RPS6KA2: variants seen among roughly 807,000 people sequenced by gnomAD.
RPS6KA2 encodes ribosomal protein S6 kinase alpha-2.
RPS6KA2 carries 42 observed loss-of-function variants against 91.8 expected under a neutral mutation model. The ratio of observed to expected loss-of-function variants is 0.46; its 90% CI spans 0.36 to 0.59. The LOEUF (loss-of-function observed/expected upper bound fraction) is 0.59, where lower values mean the gene tolerates loss of function less well. Ranked by LOEUF, RPS6KA2 falls within the 20% of genes least tolerant of loss-of-function variation. The pLI, the probability that RPS6KA2 is intolerant of heterozygous loss-of-function variation, is 0.00. For synonymous variants in RPS6KA2, 414 were observed against 393.6 expected (o/e 1.05, Z -0.61); for missense variants, 798 against 978.5 (o/e 0.82, Z 2.46).
chr6:166,775,986 G>A lies in RPS6KA2; in HGVS notation c.123+82214C>T, dbSNP rs564125620. 5.9e-5 allele frequency among the ~76,000 whole-genome samples: 9 copies of A among 152,344 alleles called. No individual in the cohort carries two copies. The South Asian group carries it at 1.9e-3, about 32-fold the overall frequency. On this transcript the variant is annotated intron_variant, in intron 2 of 21. Transcript: ENST00000503859. The stretch of plus-strand genomic sequence containing the variant: ...CTGGAAGTGAGGGCGGGCATTGCTG[G>A]CTTTATCTGATCACTGGGAAGGGTG...
At chr6:166,524,993 A>G (rs1017069636) in intron 3 of RPS6KA2, among the ~76,000 whole-genome samples, 8 of 152,166 alleles carry the variant, frequency 5.3e-5, no homozygotes, top group East Asian at 1.9e-4. Context: ...AGTCTCCCAG[A>G]GGGGTCCGAG....
rs1475966336 is a variant in RPS6KA2 at position 166,648,147 on chromosome 6, C to T, written c.124-109363G>A. Among the ~76,000 whole-genome samples, 1 of 150,926 alleles carries T rather than the reference C, an allele frequency of 6.6e-6. No individual in the cohort carries two copies. Among genetic ancestry groups the T allele is most frequent in the African/African-American group, 2.4e-5 (1 of 40,992 alleles). On this transcript the variant is annotated intron_variant, in intron 2 of 21. Transcript: ENST00000503859. The surrounding 1 kb of genome is among the most constrained non-coding windows in gnomAD (Gnocchi z 4.8). ...TCATACACATACATGCACACACGCA[C>T]ATGGTTACACACCCATGCACACATG...
At chr6:166,795,504 A>G (rs1396761984) in intron 2 of RPS6KA2, among the ~76,000 whole-genome samples, 1 of 152,226 alleles carries the variant, frequency 6.6e-6, no homozygotes, top group African/African-American at 2.4e-5. Flanking sequence ...CTGACAGCCG[A>G]TCGCAGCTCT....
At chr6:166,709,077 G>C (rs576277128) in intron 2 of RPS6KA2, among the ~76,000 whole-genome samples, 119 of 152,240 alleles carry the variant, frequency 7.8e-4, no homozygotes, top group African/African-American at 2.8e-3. Flanking sequence ...CCCCAGCCGG[G>C]TACTATCGGC....
intron 2 of RPS6KA2, among the ~76,000 whole-genome samples, chr6:166,660,300 T>TTGTGTGTGTGCACGTG (rs1554244336): frequency 5.3e-5 from 8 of 150,278 alleles, no homozygotes; most frequent in African/African-American, 2.0e-4. Flanking sequence ...CTGTATCTCA[T>TTGTGTGTGTGCACGTG]TGTGTGTGTG....
chr6:166,617,690 T>C (rs1032099724), intron 1 of RPS6KA2, among the ~76,000 whole-genome samples: 12 of 152,328 alleles, frequency 7.9e-5, no homozygotes, highest in Admixed American at 4.6e-4. Flanking sequence ...GAATAGTCAG[T>C]CCATGGCTAA....
At chr6:166,420,726 T>C (rs1464045659) in intron 17 of RPS6KA2, among the ~76,000 whole-genome samples, 1 of 152,226 alleles carries the variant, frequency 6.6e-6, no homozygotes, top group African/African-American at 2.4e-5. Context: ...TTTGCGTCCC[T>C]GCCTTCAATT....
intron 2 of RPS6KA2, among the ~76,000 whole-genome samples, chr6:166,711,198 C>A (rs73261048): frequency 0.071 from 10,754 of 150,564 alleles, 720 homozygotes; most frequent in African/African-American, 0.18. Flanking sequence ...CCTCCACCCC[C>A]ACAAAGCAGG....
intron 1 of RPS6KA2, among the ~76,000 whole-genome samples, chr6:166,595,828 C>T (rs765138873): frequency 2.0e-4 from 30 of 152,194 alleles, no homozygotes; most frequent in Non-Finnish European, 3.4e-4. Flanking sequence ...AAACTCCCTT[C>T]AATGTATTAC....
chr6:166,652,183 G>T lies in RPS6KA2; in HGVS notation c.124-113399C>A, dbSNP rs147942998. Among the ~76,000 whole-genome samples the T allele has an allele frequency of 6.2e-4, 95 of 152,360 alleles. 1 individual carries two copies. Among genetic ancestry groups the T allele is most frequent in the Non-Finnish European group, 1.1e-3 (77 of 68,042 alleles). Reference sequence around the variant, plus strand: ...GAAAAACACCTTCGCATTACATGTGGCATGAGCCATTCGCGGGTATTATAT... The same window carrying T: ...GAAAAACACCTTCGCATTACATGTGTCATGAGCCATTCGCGGGTATTATAT... On this transcript the variant is annotated intron_variant, in intron 2 of 21. Coordinates refer to the RPS6KA2 transcript ENST00000503859.
At chr6:166,657,147 C>T (rs1047334823) in intron 2 of RPS6KA2, among the ~76,000 whole-genome samples, 1 of 152,134 alleles carries the variant, frequency 6.6e-6, no homozygotes, top group Admixed American at 6.5e-5. Flanking sequence ...CCAGGAGCCA[C>T]ACGAGGAAAA....
chr6:166,687,765 G>A lies in RPS6KA2; in HGVS notation c.124-148981C>T, dbSNP rs140241285. On this transcript the variant is annotated intron_variant, in intron 2 of 21. Coordinates refer to the RPS6KA2 transcript ENST00000503859. The stretch of plus-strand genomic sequence containing the variant: ...AAATGAAGCGCAGCATTGCGTCGGC[G>A]GCTCTGTGTGGAGCGTTATCAGGAT... Among the ~76,000 whole-genome samples the A allele has an allele frequency of 2.6e-3, 389 of 152,336 alleles. 3 individuals carry two copies. Among genetic ancestry groups the A allele is most frequent in the South Asian group, 0.014 (67 of 4,828 alleles).
At chr6:166,862,316 A>C in exon 1 of RPS6KA2, 1 of 1,527,480 alleles carries the variant, frequency 6.5e-7, no homozygotes, top group South Asian at 1.2e-5. Context: ...TGGAGAGGAC[A>C]GATCCGGCTC....
At chr6:166,559,981 T>C (rs1010781638) in intron 1 of RPS6KA2, among the ~76,000 whole-genome samples, 4 of 152,168 alleles carry the variant, frequency 2.6e-5, no homozygotes, top group Admixed American at 2.0e-4. Flanking sequence ...CAGGAAAACA[T>C]ACACATGTGA....
chr6:166,796,776 G>A (rs1339215927), intron 2 of RPS6KA2, among the ~76,000 whole-genome samples: 4 of 152,148 alleles, frequency 2.6e-5, no homozygotes, highest in African/African-American at 7.2e-5. Context: ...GTGCACGCAC[G>A]TGGCACACTC....
At chr6:166,776,748 C>T (rs1044274374) in intron 2 of RPS6KA2, among the ~76,000 whole-genome samples, 3 of 152,212 alleles carry the variant, frequency 2.0e-5, no homozygotes, top group African/African-American at 7.2e-5. Flanking sequence ...CGCTTCCTTC[C>T]CTTTAGTGGC....
Position 166,473,418 on chromosome 6 carries a change from T to C in RPS6KA2, c.908-3513A>G, listed in dbSNP as rs563783802. Among the ~76,000 whole-genome samples the C allele has an allele frequency of 1.0e-3, 157 of 152,290 alleles. 5 individuals are homozygous for C. Among genetic ancestry groups the C allele is most frequent in the Admixed American group, 0.01 (156 of 15,296 alleles). Reference sequence around the variant, plus strand: ...TGTTGCCCAGGCTGGTGTCAAACTCTTGGGCTCAAGTGATCTGCCTGCCTG... The same window carrying C: ...TGTTGCCCAGGCTGGTGTCAAACTCCTGGGCTCAAGTGATCTGCCTGCCTG... On this transcript the variant is annotated intron_variant, in intron 10 of 20. Transcript: ENST00000265678.
intron 12 of RPS6KA2, among the ~76,000 whole-genome samples, chr6:166,453,157 C>T (rs914978649): frequency 6.6e-6 from 1 of 151,264 alleles, no homozygotes; most frequent in Non-Finnish European, 1.5e-5. Flanking sequence ...GCCAAGATGG[C>T]GTCACTGCAC....
chr6:166,737,757 G>A lies in RPS6KA2; in HGVS notation c.123+120443C>T, dbSNP rs1026349291. 1.2e-4 allele frequency among the ~76,000 whole-genome samples: 19 copies of A among 152,064 alleles called. No homozygotes were observed. Among genetic ancestry groups the A allele is most frequent in the African/African-American group, 2.7e-4 (11 of 41,404 alleles). Reference sequence around the variant, plus strand: ...GACGGTTCTGAACTTGACAAATGCCGTACCCAAAATAGTATATTCCCTGTT... The same window carrying A: ...GACGGTTCTGAACTTGACAAATGCCATACCCAAAATAGTATATTCCCTGTT... On this transcript the variant is annotated intron_variant, in intron 2 of 21. Transcript: ENST00000503859. The surrounding 1 kb of genome is among the most constrained non-coding windows in gnomAD (Gnocchi z 4.3).
Sources: gnomAD v4.1 joint callset for allele counts (sites outside exome capture counted in the v4.1 genomes callset) on GRCh38, gnomAD v4.1.1 for gene constraint, Gnocchi (gnomAD v3.1) non-coding constraint, MANE v1.5 for transcripts, NCBI Gene and HGNC (gene_info 2026-07-23, HGNC 2026-07-21) for gene names.